Variants in NDNF observed in about 807,000 individuals in gnomAD.
The protein encoded by NDNF is neuron derived neurotrophic factor.
A neutral mutation model predicts 42.0 loss-of-function variants in NDNF; 16 were observed. The observed-to-expected ratio is 0.38, with a 90% CI of 0.26 to 0.58. NDNF has a LOEUF of 0.58. NDNF is among the 20% of genes least tolerant of loss of function. NDNF has a pLI of 0.67. For missense variants in NDNF, 616 were observed against 666.2 expected (o/e 0.92, Z 0.83); for synonymous variants, 248 against 251.7 (o/e 0.99, Z 0.14).
intron 2 of NDNF, among the ~76,000 whole-genome samples, chr4:121,041,591 G>A (rs17353535): frequency 0.2 from 30,395 of 152,128 alleles, 3,352 homozygotes; most frequent in South Asian, 0.33. Flanking sequence ...CTAAAGCTCC[G>A]ATAGGACTCT....
At position 121,056,440 on chromosome 4, in the gene NDNF, T is replaced by G. The variant is rs115900138; in HGVS notation, c.-1-10602A>C. Among the ~76,000 whole-genome samples, 504 of 152,336 alleles carry G rather than the reference T, an allele frequency of 3.3e-3. 2 individuals are homozygous for G. The highest frequency in any genetic ancestry group is 0.012 in the African/African-American group (489 of 41,582). Reference sequence around the variant, plus strand: ...CTTTTCATACATTTTGCAATACACATGTTAAATGCTCACTAAATACTGATG... The same window carrying G: ...CTTTTCATACATTTTGCAATACACAGGTTAAATGCTCACTAAATACTGATG... On this transcript the variant is annotated intron_variant, in intron 1 of 3. Coordinates refer to ENST00000379692, the MANE Select transcript of NDNF (RefSeq NM_024574.4).
chr4:121,036,186 G>T lies in NDNF; in HGVS notation c.*78C>A. ...ACAGGTCACAACTTCTCTCAACTGT[G>T]GGAGTAGTCAGTTTATACTTAAAGT... On this transcript the variant is annotated 3_prime_UTR_variant, in exon 4 of 4. Transcript: ENST00000379692. The T allele has an allele frequency of 8.7e-7, 1 of 1,146,928 alleles. No homozygotes were observed. The allele number at this position is 1,146,928 out of a possible 1,614,324, so 71.0% of individuals were successfully genotyped here.
chr4:121,071,008 G>A (rs1278581905), intron 1 of NDNF, among the ~76,000 whole-genome samples: 2 of 152,194 alleles, frequency 1.3e-5, no homozygotes, highest in Non-Finnish European at 2.9e-5. Context: ...GGTGCGGGCA[G>A]AAAGGTGAAC....
intron 1 of NDNF, among the ~76,000 whole-genome samples, chr4:121,046,161 A>G (rs1324933926): frequency 6.6e-6 from 1 of 152,220 alleles, no homozygotes; most frequent in East Asian, 1.9e-4. Context: ...TGGACATTGT[A>G]GATAACGCTA....
At chr4:121,056,228 C>T (rs112746845) in intron 1 of NDNF, among the ~76,000 whole-genome samples, 15 of 152,178 alleles carry the variant, frequency 9.9e-5, no homozygotes, top group African/African-American at 3.6e-4. Flanking sequence ...ATGTAGCGAA[C>T]TACACAGGCA....
intron 1 of NDNF, among the ~76,000 whole-genome samples, chr4:121,053,162 C>T (rs1254210245): frequency 6.6e-6 from 1 of 152,176 alleles, no homozygotes; most frequent in African/African-American, 2.4e-5. Context: ...TAGGGACCTG[C>T]ACATGCATTT....
At chr4:121,059,014 A>G (rs1225111188) in intron 1 of NDNF, among the ~76,000 whole-genome samples, 1 of 151,928 alleles carries the variant, frequency 6.6e-6, no homozygotes, top group African/African-American at 2.4e-5. Context: ...TATTCCCAGC[A>G]AGTGCCTCTA....
chr4:121,052,437 G>A lies in NDNF; in HGVS notation c.-1-6599C>T, dbSNP rs116820637. ...GGAAAGTGCATGATTATAATTTGGC[G>A]AGAATAATTTCAAGGAATGGTCTGC... On this transcript the variant is annotated intron_variant, in intron 1 of 3. Coordinates refer to ENST00000379692, the MANE Select transcript of NDNF (RefSeq NM_024574.4). Among the ~76,000 whole-genome samples, 949 of 152,270 alleles carry A rather than the reference G, an allele frequency of 6.2e-3. 10 individuals carry two copies. The highest frequency in any genetic ancestry group is 0.021 in the African/African-American group (887 of 41,556).
At position 121,036,915 on chromosome 4, in the gene NDNF, A is replaced by G. The variant is rs773592838; in HGVS notation, c.1056T>C (p.Asp352=). 13 of 1,613,750 alleles carry G rather than the reference A, an allele frequency of 8.1e-6. No individual in the cohort carries two copies. Among genetic ancestry groups the G allele is most frequent in the African/African-American group, 8.0e-5 (6 of 74,840 alleles). ...TTGCTCCCTTCCTTTTAACAAATAC[A>G]TCTGTTATCTTCCCATCTTTTAGCT... is the stretch of plus-strand genomic sequence containing the variant. ...TVELKDGKIT[D]VFVKRKGAKF... Residue 352 remains aspartate, a synonymous_variant, in exon 4 of 4, where the codon GAT becomes GAC. Transcript: ENST00000379692.
intron 2 of NDNF, among the ~76,000 whole-genome samples, chr4:121,043,966 GA>G (rs1201995380): frequency 1.3e-5 from 2 of 152,224 alleles, no homozygotes; most frequent in Non-Finnish European, 2.9e-5. Context: ...TCAGGACCAA[GA>G]GAGCAAGTTC....
chr4:121,065,440 G>T (rs902538285), intron 1 of NDNF, among the ~76,000 whole-genome samples: 2 of 151,824 alleles, frequency 1.3e-5, no homozygotes, highest in African/African-American at 4.8e-5. Flanking sequence ...GGCAACCTTC[G>T]ATTGTTTAAA....
intron 1 of NDNF, among the ~76,000 whole-genome samples, chr4:121,062,496 G>A (rs2148771451): frequency 6.6e-6 from 1 of 152,220 alleles, no homozygotes; most frequent in East Asian, 1.9e-4. Flanking sequence ...ACTTTCAAAA[G>A]GCAAACAACA....
intron 1 of NDNF, among the ~76,000 whole-genome samples, chr4:121,069,279 A>G (rs531384895): frequency 6.6e-6 from 1 of 152,312 alleles, no homozygotes; most frequent in South Asian, 2.1e-4. Flanking sequence ...TTTAACATTC[A>G]TACTTCACCA....
At chr4:121,040,943 C>G (rs1221434077) in intron 2 of NDNF, among the ~76,000 whole-genome samples, 5 of 152,166 alleles carry the variant, frequency 3.3e-5, no homozygotes, top group Admixed American at 2.0e-4. Context: ...CCATGCCTAG[C>G]CCATTTCATA....
At chr4:121,058,115 A>T (rs1727333599) in intron 1 of NDNF, among the ~76,000 whole-genome samples, 1 of 152,130 alleles carries the variant, frequency 6.6e-6, no homozygotes, top group African/African-American at 2.4e-5. Flanking sequence ...ACTCCCCTTT[A>T]TATTCCCTAC....
In NDNF at chr4:121,044,048, T is replaced by G. The variant is rs75507199; in HGVS notation, c.188+1602A>C. On this transcript the variant is annotated intron_variant, in intron 2 of 3. Coordinates refer to ENST00000379692, the MANE Select transcript of NDNF (RefSeq NM_024574.4). ...TGTCATTTAAAGATTCAAAATTATT[T>G]TATATGTTATTGACAAGTCAGTTAC... Among the ~76,000 whole-genome samples the G allele has an allele frequency of 3.8e-3, 575 of 152,324 alleles. 3 individuals carry two copies. Among genetic ancestry groups the G allele is most frequent in the African/African-American group, 0.013 (557 of 41,580 alleles).
rs3733558 is a variant in NDNF, at chr4:121,036,936, T to C, written c.1035A>G (p.Leu345=). 6.8e-6 allele frequency: 11 copies of C among 1,613,486 alleles called. No individual in the cohort carries two copies. Among genetic ancestry groups the C allele is most frequent in the Non-Finnish European group, 9.3e-6 (11 of 1,179,962 alleles). ...ATACATCTGTTATCTTCCCATCTTT[T>C]AGCTCGACTGTCTTCTGTTTGGCTT... ...KEEAKQKTVE[L]KDGKITDVFV... The change falls in exon 4 of 4, where the codon CTA becomes CTG. Residue 345 remains leucine, a synonymous_variant. Transcript: ENST00000379692.
intron 1 of NDNF, among the ~76,000 whole-genome samples, chr4:121,059,748 G>A (rs757833045): frequency 3.3e-5 from 5 of 152,276 alleles, no homozygotes; most frequent in African/African-American, 4.8e-5. Flanking sequence ...ATCTTTATGC[G>A]CACAGAAATC....
At chr4:121,053,941 G>A (rs530774631) in intron 1 of NDNF, among the ~76,000 whole-genome samples, 1 of 152,326 alleles carries the variant, frequency 6.6e-6, no homozygotes, top group South Asian at 2.1e-4. Context: ...TAGCTAAGAT[G>A]GAGCATGGCA....
Sources: allele counts gnomAD v4.1 joint callset (sites outside exome capture counted in the v4.1 genomes callset), GRCh38; gene constraint gnomAD v4.1.1; transcripts MANE v1.5; gene names NCBI Gene and HGNC (gene_info 2026-07-23, HGNC 2026-07-21).